The following HSDL2 variants were observed in gnomAD, a reference collection of about 807,000 sequenced individuals.
HSDL2 encodes hydroxysteroid dehydrogenase like 2.
A neutral mutation model predicts 46.3 loss-of-function variants in HSDL2; 27 were observed. That is an observed-to-expected ratio of 0.58 (90% confidence interval 0.43 to 0.80). HSDL2 has a LOEUF of 0.80. HSDL2 is among the 30% of genes least tolerant of loss of function. HSDL2 has a pLI of 0.00. For missense variants in HSDL2, 451 were observed against 502.7 expected, an observed-to-expected ratio of 0.90 and a Z score of 0.98; for synonymous variants, 153 against 163.6, an observed-to-expected ratio of 0.94 and a Z score of 0.50.
intron 1 of HSDL2, among the ~76,000 whole-genome samples, chr9:112,388,764 A>C (rs1046208187): frequency 7.4e-5 from 11 of 148,640 alleles, no homozygotes; most frequent in African/African-American, 2.5e-4. Flanking sequence ...GGAAAAAAAA[A>C]AGTAAGGATC....
At chr9:112,463,906 C>T (rs1833291305) in intron 10 of HSDL2, among the ~76,000 whole-genome samples, 1 of 152,162 alleles carries the variant, frequency 6.6e-6, no homozygotes, top group South Asian at 2.1e-4. Flanking sequence ...AGTGATCTAC[C>T]CACCTCAGCC....
chr9:112,440,235 C>T (rs1206781438), intron 7 of HSDL2, among the ~76,000 whole-genome samples: 1 of 151,820 alleles, frequency 6.6e-6, no homozygotes, highest in Non-Finnish European at 1.5e-5. Flanking sequence ...CTTAAAATGA[C>T]CAGATACTAT....
intron 4 of HSDL2, 102 bp from the exon 5 acceptor site, chr9:112,416,739 C>T: frequency 1.6e-6 from 1 of 608,616 alleles, no homozygotes; most frequent in African/African-American, 1.9e-5. Context: ...GAGTCATGCA[C>T]TCCAGCCTGG....
chr9:112,461,013 T>C (rs1833192825), intron 10 of HSDL2, among the ~76,000 whole-genome samples: 1 of 152,170 alleles, frequency 6.6e-6, no homozygotes, highest in Non-Finnish European at 1.5e-5. Flanking sequence ...TACTACTGTT[T>C]GGCAGTCTTT....
chr9:112,449,187 A>G (rs1476554702), intron 8 of HSDL2, among the ~76,000 whole-genome samples: 4 of 150,888 alleles, frequency 2.7e-5, no homozygotes, highest in Non-Finnish European at 4.4e-5. Flanking sequence ...CCCAGGTTCA[A>G]GCAATTCTCA....
At chr9:112,387,137 A>G (rs1831235093) in intron 1 of HSDL2, among the ~76,000 whole-genome samples, 1 of 152,064 alleles carries the variant, frequency 6.6e-6, no homozygotes, top group Non-Finnish European at 1.5e-5. Context: ...TGACATTGGT[A>G]TTTTAAAAGT....
At chr9:112,462,610 G>C (rs1424034006) in intron 10 of HSDL2, among the ~76,000 whole-genome samples, 3 of 141,370 alleles carry the variant, frequency 2.1e-5, no homozygotes, top group African/African-American at 8.4e-5. Flanking sequence ...ATGTGTGTGT[G>C]TGTGTGTGTG....
chr9:112,469,131 TTAAAA>T (rs1833488379), intron 10 of HSDL2, among the ~76,000 whole-genome samples: 1 of 152,170 alleles, frequency 6.6e-6, no homozygotes, highest in African/African-American at 2.4e-5. Flanking sequence ...AGTTTATTCA[TTAAAA>T]TAAAAGAGTT....
At chr9:112,381,104 C>CAT (rs1831082513) in intron 1 of HSDL2, among the ~76,000 whole-genome samples, 3 of 151,970 alleles carry the variant, frequency 2.0e-5, no homozygotes, top group African/African-American at 4.8e-5. Context: ...CACACACACA[C>CAT]ACACACACAC....
chr9:112,449,149 C>T (rs916988547), intron 8 of HSDL2, among the ~76,000 whole-genome samples: 10 of 147,160 alleles, frequency 6.8e-5, no homozygotes, highest in Non-Finnish European at 1.3e-4. Context: ...CGCAGTGGCA[C>T]GATCTCGGCT....
At chr9:112,395,684 G>T (rs976103948) in intron 1 of HSDL2, among the ~76,000 whole-genome samples, 24 of 152,348 alleles carry the variant, frequency 1.6e-4, no homozygotes, top group African/African-American at 5.0e-4. Flanking sequence ...GGTATTAAAG[G>T]AGGGGCAGGC....
intron 6 of HSDL2, among the ~76,000 whole-genome samples, chr9:112,426,385 T>C (rs1010589653): frequency 3.9e-5 from 6 of 152,036 alleles, no homozygotes; most frequent in African/African-American, 1.2e-4. Context: ...TCAGGCGCCT[T>C]TCACTATGCC....
chr9:112,462,462 C>CA (rs10683594), intron 10 of HSDL2, among the ~76,000 whole-genome samples: 3,952 of 143,390 alleles, frequency 0.028, 107 homozygotes, highest in Admixed American at 0.071. Context: ...GACCCTGTCT[C>CA]AAAAAAAAAA....
intron 1 of HSDL2, among the ~76,000 whole-genome samples, chr9:112,401,474 A>C (rs1038706228): frequency 1.1e-4 from 16 of 149,512 alleles, no homozygotes; most frequent in Non-Finnish European, 1.9e-4. Flanking sequence ...AAAAAGTAGC[A>C]GAGAGCTAAT....
intron 9 of HSDL2, among the ~76,000 whole-genome samples, chr9:112,458,152 T>C (rs1833088616): frequency 6.6e-6 from 1 of 152,126 alleles, no homozygotes; most frequent in Non-Finnish European, 1.5e-5. Context: ...ATTCTGGCTT[T>C]TTTGCATGTG....
chr9:112,426,651 G>A (rs1212257843), intron 6 of HSDL2, among the ~76,000 whole-genome samples: 1 of 152,182 alleles, frequency 6.6e-6, no homozygotes, highest in Admixed American at 6.5e-5. Context: ...AAAATCGATA[G>A]TGCAGCAGTT....
In HSDL2 at chr9:112,418,894, T is replaced by C. The variant is rs766194950; in HGVS notation, c.534T>C (p.Tyr178=). The C allele has an allele frequency of 1.2e-6, 2 of 1,604,936 alleles. No homozygotes were observed. Among genetic ancestry groups the C allele is most frequent in the South Asian group, 2.2e-5 (2 of 90,890 alleles). ...TTGCTAAGTATGGTATGTCTATGTA[T>C]GTGCTTGGAATGGCAGAAGAATTTA... ...YTIAKYGMSM[Y]VLGMAEEFKG... The change falls in exon 6 of 11, where the codon TAT becomes TAC. Residue 178 remains tyrosine (Y), a synonymous_variant. Coordinates refer to ENST00000398805, the MANE Select transcript of HSDL2 (RefSeq NM_032303.5).
At position 112,383,667 on chromosome 9, in the gene HSDL2, C is replaced by G. The variant is rs552438221; in HGVS notation, c.17+3487C>G. On this transcript the variant is annotated intron_variant, in intron 1 of 10. Coordinates refer to ENST00000398805, the MANE Select transcript of HSDL2 (RefSeq NM_032303.5). ...TGTTTCTGGACTTTCTGCTCTGCTA[C>G]TTTAGTCTCTATTCATGTACCAGTA... Among the ~76,000 whole-genome samples, 3 of 152,258 alleles carry G rather than the reference C, an allele frequency of 2.0e-5. No homozygotes were observed. The South Asian group carries it at 6.2e-4, about 32-fold the overall frequency.
At chr9:112,383,041 C>T (rs1282359990) in intron 1 of HSDL2, among the ~76,000 whole-genome samples, 1 of 149,422 alleles carries the variant, frequency 6.7e-6, no homozygotes, top group Non-Finnish European at 1.5e-5. Context: ...GAATCTTGCT[C>T]TGTATGCCTT....
Sources: allele counts gnomAD v4.1 joint callset (sites outside exome capture counted in the v4.1 genomes callset), GRCh38; gene constraint gnomAD v4.1.1; transcripts MANE v1.5; gene names NCBI Gene and HGNC (gene_info 2026-07-23, HGNC 2026-07-21).